Variants in NRXN1 observed in about 807,000 individuals in gnomAD.
NRXN1 encodes the protein neurexin-1.
In NRXN1, 39 loss-of-function variants were observed where a neutral mutation model predicts 150.9. That is an observed-to-expected ratio of 0.26 (90% CI 0.20 to 0.34). The LOEUF (loss-of-function observed/expected upper bound fraction) is 0.34, where lower values mean the gene tolerates loss of function less well. Among genes scored for constraint, NRXN1 ranks in the 10% least tolerant of loss-of-function variants. The probability of loss-of-function intolerance (pLI) is 1.00; values close to 1 mark genes in which losing one functional copy is unlikely to be tolerated. For synonymous variants in NRXN1, 924 were observed against 757.0 expected (o/e 1.22, Z -3.62); for missense variants, 1,815 against 1,949.9 (o/e 0.93, Z 1.30).
In NRXN1 at chr2:51,015,020, T is replaced by A. The variant is rs190775103; in HGVS notation, c.772+12482A>T. Among the ~76,000 whole-genome samples, 297 of 152,212 alleles carry A rather than the reference T, an allele frequency of 2.0e-3. 2 individuals carry two copies. The highest frequency in any genetic ancestry group is 1.4e-3 in the Non-Finnish European group (92 of 67,996). ...GTATTTATTCTTGTCTTTTCCTTCC[T>A]ATTTCCCTTTTTGGCTTAAGCCCAG... On this transcript the variant is annotated intron_variant, in intron 2 of 22. Transcript: ENST00000401669.
At position 50,575,629 on chromosome 2, in the gene NRXN1, G is replaced by A. The variant is rs930017837; in HGVS notation, c.1321-22604C>T. Among the ~76,000 whole-genome samples, 3 of 152,102 alleles carry A rather than the reference G, an allele frequency of 2.0e-5. No homozygotes were observed. The East Asian group carries it at 5.8e-4, about 29-fold the overall frequency. ...TAGCAATTTACAAATTCTAAAAATA[G>A]ATATTAGAGTTTCTCTTATTATATA... On this transcript the variant is annotated intron_variant, in intron 8 of 22. Transcript: ENST00000401669.
At chr2:50,439,061 G>C (rs1445942474) in intron 17 of NRXN1, among the ~76,000 whole-genome samples, 1 of 152,194 alleles carries the variant, frequency 6.6e-6, no homozygotes, top group Non-Finnish European at 1.5e-5. Flanking sequence ...GGGTTCTAAT[G>C]GCTAGCTTTA....
intron 18 of NRXN1, among the ~76,000 whole-genome samples, chr2:50,192,374 G>A (rs1405746270): frequency 2.6e-5 from 4 of 151,952 alleles, no homozygotes; most frequent in African/African-American, 4.8e-5. Flanking sequence ...TTCCAGATAC[G>A]TCCTGAAAAT....
At chr2:50,652,927 G>A (rs1046954691) in intron 5 of NRXN1, among the ~76,000 whole-genome samples, 1 of 151,902 alleles carries the variant, frequency 6.6e-6, no homozygotes, top group Admixed American at 6.6e-5. Context: ...TTCCCTATTG[G>A]CTAATGATGT....
intron 17 of NRXN1, among the ~76,000 whole-genome samples, chr2:50,295,405 C>A (rs1314064563): frequency 6.6e-6 from 1 of 152,026 alleles, no homozygotes; most frequent in Admixed American, 6.6e-5. Context: ...TTCTATTTTT[C>A]TTCTACTCAA....
At chr2:50,737,238 G>A (rs959535176) in intron 5 of NRXN1, among the ~76,000 whole-genome samples, 7 of 152,138 alleles carry the variant, frequency 4.6e-5, no homozygotes, top group African/African-American at 1.7e-4. Context: ...AGATGTTGGT[G>A]CTAATTTCTG....
intron 5 of NRXN1, among the ~76,000 whole-genome samples, chr2:50,678,474 T>G (rs1204176719): frequency 6.6e-6 from 1 of 152,182 alleles, no homozygotes; most frequent in African/African-American, 2.4e-5. Context: ...TCTGAGTACG[T>G]GTATATTCAT....
chr2:50,894,230 A>G (rs1681551511), intron 5 of NRXN1, among the ~76,000 whole-genome samples: 1 of 143,264 alleles, frequency 7.0e-6, no homozygotes, highest in South Asian at 2.2e-4. Flanking sequence ...CCTAAAACTT[A>G]AAGTATAATA....
intron 5 of NRXN1, among the ~76,000 whole-genome samples, chr2:50,804,894 T>A (rs1559287529): frequency 4.6e-5 from 7 of 152,198 alleles, no homozygotes. Context: ...TGACTATGAA[T>A]TTAAGTCTTT....
At chr2:50,940,473 C>CA (rs748999405) in intron 2 of NRXN1, among the ~76,000 whole-genome samples, 4,454 of 74,728 alleles carry the variant, frequency 0.06, 100 homozygotes, top group Non-Finnish European at 0.078. Flanking sequence ...GACTCCATCT[C>CA]AAAAAAAAAA....
intron 2 of NRXN1, among the ~76,000 whole-genome samples, chr2:50,965,693 G>C (rs1013246649): frequency 6.6e-6 from 1 of 151,336 alleles, no homozygotes; most frequent in Non-Finnish European, 1.5e-5. Flanking sequence ...AAAACTCACG[G>C]TTTTAATGCT....
intron 17 of NRXN1, among the ~76,000 whole-genome samples, chr2:50,315,451 CT>C (rs2075522235): frequency 6.6e-6 from 1 of 152,128 alleles, no homozygotes; most frequent in African/African-American, 2.4e-5. Flanking sequence ...ATCAGCAGCA[CT>C]TCAATCATGC....
At chr2:50,268,034 C>CA (rs2152920300) in intron 17 of NRXN1, among the ~76,000 whole-genome samples, 2 of 151,948 alleles carry the variant, frequency 1.3e-5, no homozygotes, top group East Asian at 3.9e-4. Context: ...TACCAAAATA[C>CA]AAAAAATCAG....
At chr2:50,993,272 T>C (rs1336754329) in intron 2 of NRXN1, among the ~76,000 whole-genome samples, 3 of 151,986 alleles carry the variant, frequency 2.0e-5, no homozygotes, top group South Asian at 4.1e-4. Flanking sequence ...AAAATGAGAA[T>C]GGAGACCGAA....
chr2:50,083,558 C>G (rs1363399844), intron 19 of NRXN1, among the ~76,000 whole-genome samples: 1 of 152,158 alleles, frequency 6.6e-6, no homozygotes, highest in South Asian at 2.1e-4. Context: ...TTATTGCAAA[C>G]AGCAAAAGAA....
intron 18 of NRXN1, among the ~76,000 whole-genome samples, chr2:50,188,692 A>C (rs1282179707): frequency 6.6e-6 from 1 of 151,982 alleles, no homozygotes; most frequent in Non-Finnish European, 1.5e-5. Flanking sequence ...AAAAAACATC[A>C]AAAAGTGGAT....
chr2:50,691,819 T>C (rs896017734), intron 5 of NRXN1, among the ~76,000 whole-genome samples: 1 of 152,130 alleles, frequency 6.6e-6, no homozygotes, highest in African/African-American at 2.4e-5. Flanking sequence ...TCTCATTCAC[T>C]TTCTCTCTCT....
chr2:50,768,789 T>G (rs1008314104), intron 5 of NRXN1, among the ~76,000 whole-genome samples: 1 of 151,852 alleles, frequency 6.6e-6, no homozygotes, highest in Non-Finnish European at 1.5e-5. Context: ...TTTTACATAT[T>G]GATAGCTCAC....
At chr2:50,222,978 C>A (rs547894550) in intron 18 of NRXN1, among the ~76,000 whole-genome samples, 4 of 151,886 alleles carry the variant, frequency 2.6e-5, no homozygotes, top group East Asian at 1.9e-4. Flanking sequence ...TTTTTCAATA[C>A]AAATTTTTAT....
Sources: allele counts gnomAD v4.1 joint callset (sites outside exome capture counted in the v4.1 genomes callset), GRCh38; gene constraint gnomAD v4.1.1; transcripts MANE v1.5; gene names NCBI Gene and HGNC (gene_info 2026-07-23, HGNC 2026-07-21).